Variants in JMY observed in about 807,000 individuals in gnomAD.
The protein encoded by JMY is junction-mediating and -regulatory protein.
Under a neutral mutation model 103.3 loss-of-function variants are expected in JMY, and 46 were observed. That is an observed-to-expected ratio of 0.45 (90% CI 0.35 to 0.57). The LOEUF (loss-of-function observed/expected upper bound fraction) is 0.57, where lower values mean the gene tolerates loss of function less well. JMY is among the 20% of genes least tolerant of loss of function. The pLI, the probability that JMY is intolerant of heterozygous loss-of-function variation, is 0.00. For missense variants in JMY, 1,238 were observed against 1,255.2 expected, an observed-to-expected ratio of 0.99 and a Z score of 0.21; for synonymous variants, 526 against 489.3, an observed-to-expected ratio of 1.07 and a Z score of -0.99.
chr5:79,275,938 A>C (rs1307782500), intron 1 of JMY, among the ~76,000 whole-genome samples: 3 of 152,208 alleles, frequency 2.0e-5, no homozygotes, highest in African/African-American at 7.2e-5. Context: ...ATATGAACTG[A>C]TACAACAACT....
intron 7 of JMY, among the ~76,000 whole-genome samples, chr5:79,307,712 A>G (rs541731006): frequency 1.1e-4 from 16 of 152,128 alleles, no homozygotes; most frequent in African/African-American, 3.1e-4. Flanking sequence ...TTGCCCCTCT[A>G]TATATCTCTA....
intron 2 of JMY, 31 bp from the exon 3 acceptor site, chr5:79,290,090 A>G (rs139597701): frequency 2.0e-5 from 30 of 1,529,448 alleles, no homozygotes; most frequent in Non-Finnish European, 2.6e-5. Flanking sequence ...AAAGACTTGA[A>G]CTTCTTAATT....
intron 1 of JMY, among the ~76,000 whole-genome samples, chr5:79,277,269 A>G (rs895455305): frequency 6.6e-6 from 1 of 152,122 alleles, no homozygotes; most frequent in Non-Finnish European, 1.5e-5. Context: ...GGTGACAGGT[A>G]GAAATTGAAG....
At chr5:79,312,806 A>G (rs529258915) in intron 8 of JMY, among the ~76,000 whole-genome samples, 159 of 152,304 alleles carry the variant, frequency 1.0e-3, no homozygotes, top group African/African-American at 3.6e-3. Context: ...ACAACTGACT[A>G]TCCAGCTCAA....
At chr5:79,269,994 G>A (rs1001122955) in intron 1 of JMY, among the ~76,000 whole-genome samples, 2 of 152,030 alleles carry the variant, frequency 1.3e-5, no homozygotes, top group African/African-American at 4.8e-5. Flanking sequence ...GCCTCCCAGA[G>A]GGGTGAGATT....
chr5:79,273,899 C>T (rs1408878538), intron 1 of JMY, among the ~76,000 whole-genome samples: 2 of 152,018 alleles, frequency 1.3e-5, no homozygotes, highest in African/African-American at 4.8e-5. Flanking sequence ...GGCGCTATCT[C>T]GGCTCACTGC....
chr5:79,318,741 A>AATATAT (rs71830021), intron 10 of JMY, among the ~76,000 whole-genome samples: 210 of 134,718 alleles, frequency 1.6e-3, no homozygotes, highest in East Asian at 8.3e-3. Flanking sequence ...TTTGTAAAGG[A>AATATAT]ATATATATAT....
intron 5 of JMY, 63 bp downstream of exon 5, chr5:79,300,381 G>T: frequency 7.2e-7 from 1 of 1,391,958 alleles, no homozygotes; most frequent in Non-Finnish European, 9.6e-7. Flanking sequence ...AATACTTATG[G>T]ACTAGGTATG....
chr5:79,272,930 C>G (rs189233918), intron 1 of JMY, among the ~76,000 whole-genome samples: 1 of 152,316 alleles, frequency 6.6e-6, no homozygotes, highest in Admixed American at 6.5e-5. Flanking sequence ...GCCACTGCAC[C>G]CAGCCCATCT....
Position 79,326,838 on chromosome 5 carries a change from T to G in JMY, c.*5236T>G, listed in dbSNP as rs536142077. 1.3e-5 allele frequency: 2 copies of G among 152,340 alleles called. No individual in the cohort carries two copies. Among genetic ancestry groups the G allele is most frequent in the South Asian group, 4.1e-4 (2 of 4,828 alleles). The allele number at this position is 152,340 out of a possible 1,614,324, so 9.4% of individuals were successfully genotyped here. A position where few individuals can be genotyped will look rare whatever the true frequency, so the allele number is the denominator to read the frequency against. On this transcript the variant is annotated 3_prime_UTR_variant, in exon 11 of 11. Transcript: ENST00000396137. ...AAGGATGGCTTTAGTACCATTACAT[T>G]AAATGGACAGTGTGCACAGTGTATT...
At chr5:79,273,867 G>T (rs140019158) in intron 1 of JMY, among the ~76,000 whole-genome samples, 7 of 151,860 alleles carry the variant, frequency 4.6e-5, no homozygotes, top group African/African-American at 1.4e-4. Context: ...GTCTCGCTCT[G>T]TTGCCCATCC....
At position 79,325,325 on chromosome 5, in the gene JMY, G is replaced by A. The variant is rs1412678137; in HGVS notation, c.*3723G>A. 2 of 152,110 alleles carry A rather than the reference G, an allele frequency of 1.3e-5. No homozygotes were observed. Among genetic ancestry groups the A allele is most frequent in the Non-Finnish European group, 2.9e-5 (2 of 67,986 alleles). 9.4% of individuals were successfully genotyped at this position (152,110 alleles called of 1,614,324 possible). On this transcript the variant is annotated 3_prime_UTR_variant, in exon 11 of 11. Coordinates refer to ENST00000396137, the MANE Select transcript of JMY (RefSeq NM_152405.5). ...TTGGGTCCTTAAGGGCTCTATCAGG[G>A]AGTTGAAATTTCATACGCTTTACCA... is the stretch of plus-strand genomic sequence containing the variant.
At chr5:79,308,221 CA>C (rs1376776194) in intron 7 of JMY, among the ~76,000 whole-genome samples, 2 of 152,168 alleles carry the variant, frequency 1.3e-5, no homozygotes, top group Admixed American at 1.3e-4. Flanking sequence ...AGTGTTTTAA[CA>C]AAGTCCAATT....
chr5:79,310,056 C>CTTTT (rs1747000242), intron 7 of JMY, among the ~76,000 whole-genome samples: 2 of 100,796 alleles, frequency 2.0e-5, no homozygotes, highest in African/African-American at 1.1e-4. Flanking sequence ...TCTTTCTTTT[C>CTTTT]CTTTTTTTTT....
rs113842133 is a variant in JMY, at chr5:79,249,733, A to G, written c.1032+12051A>G. On this transcript the variant is annotated intron_variant, in intron 1 of 10. Coordinates refer to ENST00000396137, the MANE Select transcript of JMY (RefSeq NM_152405.5). ...CACCATTCCCCAGTTACTCTATTCA[A>G]GTTTTCCTTTTGTATTAAATTTCAT... Among the ~76,000 whole-genome samples the G allele has an allele frequency of 5.9e-5, 9 of 152,212 alleles. 1 individual carries two copies. The highest frequency in any genetic ancestry group is 1.4e-4 in the African/African-American group (6 of 41,526).
At chr5:79,256,481 C>T (rs553921057) in intron 1 of JMY, among the ~76,000 whole-genome samples, 5 of 152,162 alleles carry the variant, frequency 3.3e-5, no homozygotes, top group East Asian at 1.9e-4. Context: ...GAAGTAGTCT[C>T]GCCCCACCCC....
At chr5:79,252,759 T>A (rs1458572755) in intron 1 of JMY, among the ~76,000 whole-genome samples, 1 of 152,246 alleles carries the variant, frequency 6.6e-6, no homozygotes, top group African/African-American at 2.4e-5. Flanking sequence ...TTTGTCTAAG[T>A]ATAGCTATTC....
chr5:79,287,758 G>A (rs990047094), intron 2 of JMY, among the ~76,000 whole-genome samples: 1 of 152,192 alleles, frequency 6.6e-6, no homozygotes, highest in African/African-American at 2.4e-5. Context: ...ATATATTAAG[G>A]TAGCAAACTA....
intron 1 of JMY, among the ~76,000 whole-genome samples, chr5:79,258,610 G>A (rs942158092): frequency 2.6e-5 from 4 of 152,232 alleles, no homozygotes; most frequent in South Asian, 2.1e-4. Context: ...TGGCGGTGGT[G>A]GGGCGGGCAG....
Sources: gnomAD v4.1 joint callset for allele counts (sites outside exome capture counted in the v4.1 genomes callset) on GRCh38, gnomAD v4.1.1 for gene constraint, MANE v1.5 for transcripts, NCBI Gene and HGNC (gene_info 2026-07-23, HGNC 2026-07-21) for gene names.